Variants in AGAP1 observed in about 807,000 individuals in gnomAD.
AGAP1 encodes ArfGAP with GTPase domain, ankyrin repeat and PH domain 1.
A neutral mutation model predicts 105.3 loss-of-function variants in AGAP1; 29 were observed. The observed-to-expected ratio is 0.28, with a 90% confidence interval of 0.21 to 0.38. AGAP1 has a LOEUF of 0.38. Ranked by LOEUF, AGAP1 falls within the 10% of genes least tolerant of loss-of-function variation. AGAP1 has a pLI of 1.00. For missense variants in AGAP1, 998 were observed against 1,165.1 expected (o/e 0.86, Z 2.09); for synonymous variants, 509 against 485.9 (o/e 1.05, Z -0.63).
intron 1 of AGAP1, among the ~76,000 whole-genome samples, chr2:235,502,938 T>TTTAGCTTCAG (rs1553552454): frequency 6.6e-6 from 1 of 151,366 alleles, no homozygotes; most frequent in Non-Finnish European, 1.5e-5. Context: ...AGAAAGTACA[T>TTTAGCTTCAG]TTAGCTTCAA....
chr2:235,636,142 A>C lies in AGAP1; in HGVS notation c.164-73037A>C, dbSNP rs542417697. Among the ~76,000 whole-genome samples, 518 of 151,566 alleles carry C rather than the reference A, an allele frequency of 3.4e-3. 2 individuals carry two copies. Among genetic ancestry groups the C allele is most frequent in the Non-Finnish European group, 6.4e-3 (434 of 67,788 alleles). ...AAATAAATAAATAAATAAATAAATAAATAAATAAATAAAGTCTCATCTTAT... is the reference window on the plus strand; with the variant it reads ...AAATAAATAAATAAATAAATAAATACATAAATAAATAAAGTCTCATCTTAT... On this transcript the variant is annotated intron_variant, in intron 1 of 17. Coordinates refer to ENST00000304032, the MANE Select transcript of AGAP1 (RefSeq NM_001037131.3).
intron 12 of AGAP1, among the ~76,000 whole-genome samples, chr2:235,942,058 A>T (rs1470617414): frequency 6.6e-6 from 1 of 152,016 alleles, no homozygotes; most frequent in Non-Finnish European, 1.5e-5. Flanking sequence ...ATTCCTCTAG[A>T]CTCAAGATAC....
In AGAP1 at chr2:235,931,924, G is replaced by A. The variant is rs1464484760; in HGVS notation, c.1483+1001G>A. ...TTGGAGCAGACACACACAGCGTCAC[G>A]CGGCTGCCCCGGCTGGCCCATTCCC... On this transcript the variant is annotated intron_variant, in intron 12 of 17. Transcript: ENST00000304032. The surrounding 1 kb of genome is among the most constrained non-coding windows in gnomAD (Gnocchi z 5.6). 1.3e-5 allele frequency among the ~76,000 whole-genome samples: 2 copies of A among 152,076 alleles called. No homozygotes were observed. The highest frequency in any genetic ancestry group is 2.9e-5 in the Non-Finnish European group (2 of 68,026).
intron 6 of AGAP1, chr2:235,775,885 A>G (rs1394319483): frequency 1.3e-5 from 2 of 152,226 alleles, no homozygotes; most frequent in African/African-American, 2.4e-5. Context: ...ATTGGTAAAG[A>G]GAATTGAGTA....
chr2:236,112,152 A>T (rs2059662101), intron 16 of AGAP1, among the ~76,000 whole-genome samples: 1 of 152,144 alleles, frequency 6.6e-6, no homozygotes, highest in Admixed American at 6.5e-5. Context: ...GTGGTGGCTC[A>T]CACCTGTAAT....
intron 1 of AGAP1, among the ~76,000 whole-genome samples, chr2:235,521,781 T>TGTGTG: frequency 6.6e-6 from 1 of 151,780 alleles, no homozygotes; most frequent in Non-Finnish European, 1.5e-5. Context: ...TGTGTGTGTG[T>TGTGTG]TGCTATTGAA....
At position 236,003,807 on chromosome 2, in the gene AGAP1, T is replaced by C. The variant is rs1236544719; in HGVS notation, c.1646-32754T>C. Among the ~76,000 whole-genome samples, 1 of 151,980 alleles carries C rather than the reference T, an allele frequency of 6.6e-6. No homozygotes were observed. Among genetic ancestry groups the C allele is most frequent in the Non-Finnish European group, 1.5e-5 (1 of 67,964 alleles). The stretch of plus-strand genomic sequence containing the variant: ...ACCACTTTTTTTTTTTTCTGGAAGT[T>C]TGCATGTCCTACACTATCTATAAAT... On this transcript the variant is annotated intron_variant, in intron 13 of 17. Transcript: ENST00000304032. This position sits in a 1 kb window ranked among gnomAD's most constrained non-coding sequence, Gnocchi z 4.2.
Position 235,983,808 on chromosome 2 carries a change from A to G in AGAP1, c.1645+15185A>G, listed in dbSNP as rs1478580899. Among the ~76,000 whole-genome samples, 1 of 152,212 alleles carries G rather than the reference A, an allele frequency of 6.6e-6. No individual in the cohort carries two copies. The highest frequency in any genetic ancestry group is 2.4e-5 in the African/African-American group (1 of 41,458). ...TGTGGTAGCCACACCATCTAGGCTT[A>G]TGTATGGACTCTGTGATGGTCACAC... On this transcript the variant is annotated intron_variant, in intron 13 of 17. Transcript: ENST00000304032. This position sits in a 1 kb window ranked among gnomAD's most constrained non-coding sequence, Gnocchi z 4.5.
At position 235,882,150 on chromosome 2, in the gene AGAP1, G is replaced by T. The variant is rs1438820942; in HGVS notation, c.1051-1195G>T. Reference sequence around the variant, plus strand: ...GTGTGTTTTATTTTCATTATTCATAGAAATAATTTTCTATAATGTCCTGGG... The same window carrying T: ...GTGTGTTTTATTTTCATTATTCATATAAATAATTTTCTATAATGTCCTGGG... On this transcript the variant is annotated intron_variant, in intron 9 of 17. Coordinates refer to ENST00000304032, the MANE Select transcript of AGAP1 (RefSeq NM_001037131.3). The surrounding 1 kb of genome is among the most constrained non-coding windows in gnomAD (Gnocchi z 4.6). Among the ~76,000 whole-genome samples the T allele has an allele frequency of 6.6e-6, 1 of 151,940 alleles. No homozygotes were observed. Among genetic ancestry groups the T allele is most frequent in the African/African-American group, 2.4e-5 (1 of 41,374 alleles).
At position 235,900,530 on chromosome 2, in the gene AGAP1, T is replaced by A. The variant is rs932645374; in HGVS notation, c.1156-8208T>A. ...TGGTGCCACTTCCATTTCTGCCCCT[T>A]GATTCCTGGACCTGTGAATCCTGGC... On this transcript the variant is annotated intron_variant, in intron 10 of 17. Coordinates refer to ENST00000304032, the MANE Select transcript of AGAP1 (RefSeq NM_001037131.3). The surrounding 1 kb of genome is among the most constrained non-coding windows in gnomAD (Gnocchi z 5.5). 2.0e-5 allele frequency among the ~76,000 whole-genome samples: 3 copies of A among 152,098 alleles called. No individual in the cohort carries two copies. Among genetic ancestry groups the A allele is most frequent in the African/African-American group, 7.2e-5 (3 of 41,430 alleles).
rs185258662 is a variant in AGAP1 at position 235,892,568 on chromosome 2, A to T, written c.1155+9119A>T. ...ATTCCTAAGTAGGTATTTTCCTCAA[A>T]AGAAATCATTCAAGAAAAAAAAAAA... On this transcript the variant is annotated intron_variant, in intron 10 of 17. Transcript: ENST00000304032. Among the ~76,000 whole-genome samples, 315 of 143,400 alleles carry T rather than the reference A, an allele frequency of 2.2e-3. 1 individual carries two copies. The highest frequency in any genetic ancestry group is 7.4e-3 in the African/African-American group (286 of 38,720). 94.1% of individuals were successfully genotyped at this position (143,400 alleles called of 152,430 possible).
rs200107455 is a variant in AGAP1 at position 235,762,110 on chromosome 2, CAA to C, written c.673+11641_673+11642del. ...GGGGGATAAGAGGAAAACTCCGTCT[CAA>C]AAAAAAAAAAAAAAAAAATTGCAGA... On this transcript the variant is annotated intron_variant, in intron 6 of 17. Transcript: ENST00000304032. Among the ~76,000 whole-genome samples the C allele has an allele frequency of 2.9e-3, 290 of 100,970 alleles. 3 individuals carry two copies. Among genetic ancestry groups the C allele is most frequent in the African/African-American group, 0.01 (263 of 25,688 alleles). 66.2% of individuals were successfully genotyped at this position (100,970 alleles called of 152,430 possible). A position where few individuals can be genotyped will look rare whatever the true frequency, so the allele number is the denominator to read the frequency against.
intron 1 of AGAP1, among the ~76,000 whole-genome samples, chr2:235,681,119 C>G (rs979103286): frequency 6.6e-6 from 1 of 152,174 alleles, no homozygotes; most frequent in Non-Finnish European, 1.5e-5. Flanking sequence ...CACCGTTCTC[C>G]TGCCTCAGCC....
At chr2:235,929,803 A>T (rs2052634432) in intron 11 of AGAP1, among the ~76,000 whole-genome samples, 1 of 152,230 alleles carries the variant, frequency 6.6e-6, no homozygotes, top group Non-Finnish European at 1.5e-5. Flanking sequence ...GCTCCACAGG[A>T]AATTCTGGTA....
Position 235,934,458 on chromosome 2 carries a change from G to A in AGAP1, c.1483+3535G>A, listed in dbSNP as rs142686314. ...ATTCCCCCCTTTAGTGTGCTGCTTC[G>A]TCAAGTGGCCAGACCCCAGCAATGT... On this transcript the variant is annotated intron_variant, in intron 12 of 17. Transcript: ENST00000304032. This position sits in a 1 kb window ranked among gnomAD's most constrained non-coding sequence, Gnocchi z 4.9. Among the ~76,000 whole-genome samples, 25 of 152,200 alleles carry A rather than the reference G, an allele frequency of 1.6e-4. No individual in the cohort carries two copies. The highest frequency in any genetic ancestry group is 2.8e-4 in the Non-Finnish European group (19 of 68,026).
chr2:235,784,250 A>G (rs574270370), intron 6 of AGAP1, among the ~76,000 whole-genome samples: 2 of 152,324 alleles, frequency 1.3e-5, no homozygotes, highest in East Asian at 3.9e-4. Flanking sequence ...AGTGTACAGT[A>G]TAATGAGGAG....
In AGAP1 at chr2:235,957,814, A is replaced by G. The variant is rs2125296924; in HGVS notation, c.1484-10648A>G. ...AGTGCGTTTTAATTTACGAGTTCCT[A>G]CAACGACTTCATCTTGAGTTCACAG... On this transcript the variant is annotated intron_variant, in intron 12 of 17. Transcript: ENST00000304032. The surrounding 1 kb of genome is among the most constrained non-coding windows in gnomAD (Gnocchi z 4.6). Among the ~76,000 whole-genome samples, 1 of 152,376 alleles carries G rather than the reference A, an allele frequency of 6.6e-6. No homozygotes were observed. Among genetic ancestry groups the G allele is most frequent in the Middle Eastern group, 3.4e-3 (1 of 294 alleles).
chr2:236,120,301 G>T lies in AGAP1; in HGVS notation c.2224G>T (p.Asp742Tyr). Reference sequence around the variant, plus strand: ...CCAGCACCTGCTGCGGGCCACCGCCGACGAGGACCTGCGGACGGCCATCCT... The same window carrying T: ...CCAGCACCTGCTGCGGGCCACCGCCTACGAGGACCTGCGGACGGCCATCCT... ...LGQHLLRATA[D>Y]EDLRTAILLL... The change falls in exon 17 of 18, where the codon GAC (aspartate) becomes TAC (tyrosine). Residue 742 changes from aspartate to tyrosine, a missense_variant. By Grantham distance (160) the Asp-to-Tyr change is radical. Around this residue, in one of 3 missense-constraint regions of AGAP1, gnomAD observed 235 missense variants for 270.7 expected, o/e 0.87. Coordinates refer to ENST00000304032, the MANE Select transcript of AGAP1 (RefSeq NM_001037131.3). The surrounding 1 kb of genome is among the most constrained non-coding windows in gnomAD (Gnocchi z 6.0). 1 of 1,612,910 alleles carries T rather than the reference G, an allele frequency of 6.2e-7. No individual in the cohort carries two copies. The highest frequency in any genetic ancestry group is 8.5e-7 in the Non-Finnish European group (1 of 1,179,706).
At chr2:235,984,655 A>G (rs1006950235) in intron 13 of AGAP1, among the ~76,000 whole-genome samples, 1 of 151,544 alleles carries the variant, frequency 6.6e-6, no homozygotes, top group African/African-American at 2.4e-5. Context: ...CTCTGTGTCC[A>G]TGTGTTCTCG....
Sources: gnomAD v4.1 joint callset for allele counts (sites outside exome capture counted in the v4.1 genomes callset) on GRCh38, gnomAD v4.1.1 for gene constraint, gnomAD v4.1.1 regional missense constraint, Gnocchi (gnomAD v3.1) non-coding constraint, MANE v1.5 for transcripts, NCBI Gene and HGNC (gene_info 2026-07-23, HGNC 2026-07-21) for gene names.